Variants in PCDHGA4 observed in about 807,000 individuals in gnomAD.
The protein encoded by PCDHGA4 is protocadherin gamma subfamily A, 4, also known as protocadherin gamma-A4.
A neutral mutation model predicts 54.6 loss-of-function variants in PCDHGA4; 38 were observed. The observed-to-expected ratio is 0.70, with a 90% CI of 0.54 to 0.91. PCDHGA4 has a LOEUF of 0.91. PCDHGA4 is among the 40% of genes least tolerant of loss of function. The pLI is 0.00. For synonymous variants in PCDHGA4, 511 were observed against 512.9 expected, an observed-to-expected ratio of 1.00 and a Z score of 0.05; for missense variants, 1,298 against 1,220.9, an observed-to-expected ratio of 1.06 and a Z score of -0.94.
At chr5:141,415,255 A>G (rs908329007) in intron 1 of PCDHGA4, 1 of 1,613,620 alleles carries the variant, frequency 6.2e-7, no homozygotes, top group African/African-American at 1.3e-5. Context: ...CTCAGACCTC[A>G]CTCTGTACCT....
At chr5:141,371,369 A>C (rs1370186119) in intron 1 of PCDHGA4, 3 of 1,614,014 alleles carry the variant, frequency 1.9e-6, no homozygotes, top group Non-Finnish European at 2.5e-6. Context: ...AGGATGGTGG[A>C]CATCACACTG....
intron 1 of PCDHGA4, chr5:141,398,054 A>C: frequency 1.3e-6 from 2 of 1,519,030 alleles, no homozygotes; most frequent in Non-Finnish European, 1.8e-6. Context: ...CGGAGATCCA[A>C]AAATCTACAA....
At chr5:141,364,236 A>G (rs1179027324) in intron 1 of PCDHGA4, 1 of 1,433,738 alleles carries the variant, frequency 7.0e-7, no homozygotes, top group Non-Finnish European at 9.3e-7. Flanking sequence ...CTCCACGCCC[A>G]TTTTCGTCAG....
intron 1 of PCDHGA4, among the ~76,000 whole-genome samples, chr5:141,470,825 C>A (rs557419577): frequency 6.6e-6 from 1 of 152,182 alleles, no homozygotes; most frequent in Admixed American, 6.5e-5. Context: ...GTAGTTAGGA[C>A]GACAAACACA....
chr5:141,355,662 TC>T lies in PCDHGA4; in HGVS notation c.557del (p.Pro186LeufsTer8). The T allele has an allele frequency of 6.2e-7, 1 of 1,613,996 alleles. No homozygotes were observed. Among genetic ancestry groups the T allele is most frequent in the Non-Finnish European group, 8.5e-7 (1 of 1,179,888 alleles). The stretch of plus-strand genomic sequence containing the variant: ...AAAATCCTGGGGCAAGATTTCCTCT[TC>T]CTGAAGCTTTTGATCCGGATGTAGG... ...NENPGARFPL[P>X]EAFDPDVGVN... On this transcript the variant is annotated frameshift_variant, in exon 1 of 4. Transcript: ENST00000571252. LOFTEE classifies it high-confidence loss of function.
At position 141,409,469 on chromosome 5, in the gene PCDHGA4, G is replaced by A. The variant is rs1477896340; in HGVS notation, c.2514+51848G>A. On this transcript the variant is annotated intron_variant, in intron 1 of 3. Coordinates refer to ENST00000571252, the MANE Select transcript of PCDHGA4 (RefSeq NM_018917.4). ...GACACCAGAATACAATGTCACCATC[G>A]TAGCCACTGACAGGGGCAAGCCGCC... 9 of 1,613,740 alleles carry A rather than the reference G, an allele frequency of 5.6e-6. No individual in the cohort carries two copies. The African/African-American group carries it at 1.1e-4, about 19-fold the overall frequency.
At chr5:141,394,782 A>T (rs779984453) in intron 1 of PCDHGA4, 1 of 1,613,558 alleles carries the variant, frequency 6.2e-7, no homozygotes. Flanking sequence ...TCTCTCCGCC[A>T]CTGTCACGCT....
At chr5:141,358,633 A>G (rs537297166) in intron 1 of PCDHGA4, among the ~76,000 whole-genome samples, 1 of 152,348 alleles carries the variant, frequency 6.6e-6, no homozygotes, top group East Asian at 1.9e-4. Context: ...AATTTCAGTC[A>G]TATATAAGTA....
At chr5:141,488,519 G>C (rs1210943979) in intron 1 of PCDHGA4, among the ~76,000 whole-genome samples, 1 of 152,184 alleles carries the variant, frequency 6.6e-6, no homozygotes, top group Non-Finnish European at 1.5e-5. Flanking sequence ...GGGGTCTGGG[G>C]TGTCAGAAAA....
At chr5:141,403,525 C>T (rs1427557410) in intron 1 of PCDHGA4, 1 of 1,614,002 alleles carries the variant, frequency 6.2e-7, no homozygotes, top group South Asian at 1.1e-5. Flanking sequence ...GAGCCATAAA[C>T]CCAGAGCTGG....
chr5:141,503,654 G>C (rs1248501987), intron 2 of PCDHGA4, among the ~76,000 whole-genome samples: 1 of 150,388 alleles, frequency 6.6e-6, no homozygotes, highest in Non-Finnish European at 1.5e-5. Flanking sequence ...AATGGAAACA[G>C]AATTACAACT....
Position 141,485,718 on chromosome 5 carries a change from T to A in PCDHGA4, c.2515-9089T>A, listed in dbSNP as rs562192762. ...TCCAATGAACACTTTGCACTGGATG[T>A]GAAGAAGCGCAGCGACGGCAGCCTG... On this transcript the variant is annotated intron_variant, in intron 1 of 3. Coordinates refer to ENST00000571252, the MANE Select transcript of PCDHGA4 (RefSeq NM_018917.4). The surrounding 1 kb of genome is among the most constrained non-coding windows in gnomAD (Gnocchi z 5.7). 1 of 1,614,058 alleles carries A rather than the reference T, an allele frequency of 6.2e-7. No homozygotes were observed. The highest frequency in any genetic ancestry group is 2.2e-5 in the East Asian group (1 of 44,866).
rs1437533706 is a variant in PCDHGA4, at chr5:141,511,419, G to C, written c.*246G>C. On this transcript the variant is annotated 3_prime_UTR_variant, in exon 4 of 4. Transcript: ENST00000571252. ...ATCCAATCAACTGCTGTACCCATGG[G>C]GGTAGTGGGGTTACTGTAGACACCA... The C allele has an allele frequency of 2.4e-6, 2 of 830,456 alleles. No individual in the cohort carries two copies. The highest frequency in any genetic ancestry group is 5.8e-5 in the East Asian group (2 of 34,260). 51.4% of individuals were successfully genotyped at this position (830,456 alleles called of 1,614,324 possible).
intron 1 of PCDHGA4, chr5:141,361,391 A>G: frequency 6.2e-7 from 1 of 1,613,912 alleles, no homozygotes; most frequent in Non-Finnish European, 8.5e-7. Context: ...CCAGAATACA[A>G]TCTCACCATC....
At chr5:141,405,024 T>C in intron 1 of PCDHGA4, 1 of 1,613,920 alleles carries the variant, frequency 6.2e-7, no homozygotes, top group Non-Finnish European at 8.5e-7. Flanking sequence ...GACCTTACCC[T>C]CTACCTCGTT....
At chr5:141,388,529 G>A in intron 1 of PCDHGA4, 1 of 1,613,814 alleles carries the variant, frequency 6.2e-7, no homozygotes, top group South Asian at 1.1e-5. Context: ...TGACTGCCTT[G>A]GACTTTGGAG....
intron 1 of PCDHGA4, chr5:141,361,978 G>A (rs768035104): frequency 6.9e-6 from 11 of 1,600,872 alleles, no homozygotes; most frequent in African/African-American, 6.7e-5. Context: ...CAGCGAGCCC[G>A]GGCTCTTCAG....
Position 141,391,341 on chromosome 5 carries a change from CTCTG to C in PCDHGA4, c.2514+33726_2514+33729del, listed in dbSNP as rs1256271403. Reference sequence around the variant, plus strand: ...TCTTTTTTTTTTTTTGAGACAGAGTCTCTGTCTGTTACTCAGGCTGTAGTGCAGT... The same window carrying C: ...TCTTTTTTTTTTTTTGAGACAGAGTCTCTGTTACTCAGGCTGTAGTGCAGT... On this transcript the variant is annotated intron_variant, in intron 1 of 3. Transcript: ENST00000571252. 2.1e-5 allele frequency: 3 copies of C among 145,162 alleles called. No individual in the cohort carries two copies. In the South Asian group the frequency reaches 6.5e-4, roughly 32 times the overall value. The allele number at this position is 145,162 out of a possible 1,614,324, so 9.0% of individuals were successfully genotyped here.
rs768342539 is a variant in PCDHGA4 at position 141,356,087 on chromosome 5, C to T, written c.980C>T (p.Ser327Phe). 6.2e-7 allele frequency: 1 copy of T among 1,613,878 alleles called. No individual in the cohort carries two copies. The highest frequency in any genetic ancestry group is 8.5e-7 in the Non-Finnish European group (1 of 1,179,874). The change falls in exon 1 of 4, where the codon TCT (serine) becomes TTT (phenylalanine). Residue 327 changes from serine to phenylalanine, a missense_variant. Coordinates refer to ENST00000571252, the MANE Select transcript of PCDHGA4 (RefSeq NM_018917.4). ...ATATCACAGCTATTTCAGTTGAATT[C>T]TCTGAGTGGGGATATAACAATATTG... ...DKISQLFQLN[S>F]LSGDITILGG... is the part of the protein sequence containing the mutation.
Sources: gnomAD v4.1 joint callset for allele counts (sites outside exome capture counted in the v4.1 genomes callset) on GRCh38, gnomAD v4.1.1 for gene constraint, Gnocchi (gnomAD v3.1) non-coding constraint, MANE v1.5 for transcripts, NCBI Gene and HGNC (gene_info 2026-07-23, HGNC 2026-07-21) for gene names.